CIMIP6: variants seen among roughly 807,000 people sequenced by gnomAD.
The protein encoded by CIMIP6 is ciliary microtubule inner protein 6, also known as uncharacterized protein C2orf73.
At chr2:54,370,181 G>A in the CIMIP6 span, among the ~76,000 whole-genome samples, 1 of 152,136 alleles carries the variant, frequency 6.6e-6, no homozygotes, top group East Asian at 1.9e-4. Context: ...CTTGAACTCA[G>A]GAGGTGGAGG....
the CIMIP6 span, among the ~76,000 whole-genome samples, chr2:54,342,751 T>C: frequency 3.3e-5 from 5 of 152,164 alleles, no homozygotes; most frequent in South Asian, 2.1e-4. Context: ...GGAACCATAG[T>C]TGATTTTCAA....
the CIMIP6 span, among the ~76,000 whole-genome samples, chr2:54,373,002 T>C: frequency 4.6e-5 from 7 of 152,060 alleles, no homozygotes; most frequent in African/African-American, 1.7e-4. Flanking sequence ...TGCCCCGCCT[T>C]CCATAGTTCA....
chr2:54,379,634 T>G, the CIMIP6 span, among the ~76,000 whole-genome samples: 5 of 151,826 alleles, frequency 3.3e-5, no homozygotes, highest in Non-Finnish European at 5.9e-5. Context: ...CCCAGGAGTT[T>G]GAGACCAGCC....
At chr2:54,335,118 A>T in the CIMIP6 span, 4 of 936,764 alleles carry the variant, frequency 4.3e-6, no homozygotes, top group Non-Finnish European at 1.6e-6. Context: ...GATGAGACAC[A>T]TCTCAGAGTA....
At chr2:54,376,467 C>T in the CIMIP6 span, among the ~76,000 whole-genome samples, 3 of 152,134 alleles carry the variant, frequency 2.0e-5, no homozygotes, top group African/African-American at 4.8e-5. Flanking sequence ...GCTTTGTGGC[C>T]CCTCTCTTGG....
At chr2:54,361,554 A>G in the CIMIP6 span, 1 of 152,188 alleles carries the variant, frequency 6.6e-6, no homozygotes, top group Non-Finnish European at 1.5e-5. Context: ...TTTATTCTCC[A>G]TTAAAGAAAT....
the CIMIP6 span, among the ~76,000 whole-genome samples, chr2:54,366,577 A>T: frequency 6.6e-6 from 1 of 152,206 alleles, no homozygotes; most frequent in Non-Finnish European, 1.5e-5. Context: ...ACATAGACGC[A>T]TAATAGTGAA....
At chr2:54,360,213 C>T in the CIMIP6 span, 3 of 1,576,330 alleles carry the variant, frequency 1.9e-6, no homozygotes, top group African/African-American at 1.4e-5. Flanking sequence ...AGACACGGAG[C>T]TTTTGTACAG....
the CIMIP6 span, among the ~76,000 whole-genome samples, chr2:54,340,308 C>T: frequency 3.7e-4 from 6 of 16,334 alleles, 3 homozygotes; most frequent in Non-Finnish European, 1.4e-3. Flanking sequence ...GTTAACCCCC[C>T]ACAATCCAAT....
the CIMIP6 span, among the ~76,000 whole-genome samples, chr2:54,331,430 A>G: frequency 6.6e-6 from 1 of 152,006 alleles, no homozygotes; most frequent in Non-Finnish European, 1.5e-5. Flanking sequence ...CCTCCTCGAC[A>G]CAGCAGTCAG....
the CIMIP6 span, among the ~76,000 whole-genome samples, chr2:54,352,020 T>C: frequency 3.3e-5 from 5 of 152,130 alleles, no homozygotes; most frequent in African/African-American, 1.2e-4. Flanking sequence ...TGCAAAACCT[T>C]GTAAATCTAA....
chr2:54,333,754 G>A, the CIMIP6 span, among the ~76,000 whole-genome samples: 2 of 152,032 alleles, frequency 1.3e-5, no homozygotes, highest in Non-Finnish European at 2.9e-5. Flanking sequence ...TTAGCCGGGC[G>A]TGGTGGTGCG....
the CIMIP6 span, among the ~76,000 whole-genome samples, chr2:54,354,550 T>G: frequency 1.3e-5 from 2 of 152,148 alleles, no homozygotes; most frequent in East Asian, 3.8e-4. Context: ...AATGCTTTTT[T>G]AATTTCTAGA....
chr2:54,350,488 G>C, the CIMIP6 span, among the ~76,000 whole-genome samples: 1 of 152,160 alleles, frequency 6.6e-6, no homozygotes, highest in Non-Finnish European at 1.5e-5. Context: ...CACTCCACGT[G>C]GTTTCTCCAG....
the CIMIP6 span, among the ~76,000 whole-genome samples, chr2:54,376,751 C>T: frequency 3.9e-5 from 6 of 152,198 alleles, no homozygotes; most frequent in Non-Finnish European, 8.8e-5. Context: ...ATGGTGTTCA[C>T]ACACCTCAAC....
At chr2:54,378,215 T>C in the CIMIP6 span, among the ~76,000 whole-genome samples, 1 of 152,212 alleles carries the variant, frequency 6.6e-6, no homozygotes, top group Non-Finnish European at 1.5e-5. Context: ...GAGTTGCCAT[T>C]GTGGGGCAGA....
At chr2:54,375,885 G>GGTGTGTGTGTGT in the CIMIP6 span, among the ~76,000 whole-genome samples, 101 of 150,132 alleles carry the variant, frequency 6.7e-4, no homozygotes, top group Non-Finnish European at 9.2e-4. Flanking sequence ...TCATATAGGG[G>GGTGTGTGTGTGT]GTGTGTGTGT....
At chr2:54,383,911 T>G in the CIMIP6 span, among the ~76,000 whole-genome samples, 5 of 152,274 alleles carry the variant, frequency 3.3e-5, no homozygotes, top group African/African-American at 1.2e-4. Flanking sequence ...TCACACTCTC[T>G]CTGTTGCACA....
the CIMIP6 span, chr2:54,360,494 A>G: frequency 1.9e-6 from 3 of 1,570,996 alleles, no homozygotes; most frequent in African/African-American, 1.4e-5. Context: ...CGCCACTCAA[A>G]CAACTGTAGG....
Sources: allele counts gnomAD v4.1 joint callset (sites outside exome capture counted in the v4.1 genomes callset), GRCh38; gene constraint gnomAD v4.1.1; transcripts MANE v1.5; gene names NCBI Gene and HGNC (gene_info 2026-07-23, HGNC 2026-07-21).